Variants in GAB2 observed in about 807,000 individuals in gnomAD.
The protein encoded by GAB2 is GRB2 associated binding protein 2, also known as GRB2-associated-binding protein 2.
Under a neutral mutation model 65.5 loss-of-function variants are expected in GAB2, and 26 were observed. The ratio of observed to expected loss-of-function variants is 0.40; its 90% confidence interval spans 0.29 to 0.55. The LOEUF is 0.55. Among genes scored for constraint, GAB2 ranks in the 20% least tolerant of loss-of-function variants. The pLI is 0.53. For missense variants in GAB2, 884 were observed against 875.8 expected, an observed-to-expected ratio of 1.01 and a Z score of -0.12; for synonymous variants, 321 against 329.6, an observed-to-expected ratio of 0.97 and a Z score of 0.28.
At chr11:78,416,463 C>A (rs1441022777) in intron 1 of GAB2, among the ~76,000 whole-genome samples, 2 of 152,222 alleles carry the variant, frequency 1.3e-5, no homozygotes, top group African/African-American at 2.4e-5. Context: ...TGCCTCTCCC[C>A]CCATGGACAG....
intron 2 of GAB2, among the ~76,000 whole-genome samples, chr11:78,264,420 GAC>G (rs901469467): frequency 2.7e-5 from 4 of 149,772 alleles, no homozygotes; most frequent in Non-Finnish European, 5.9e-5. Flanking sequence ...TTTTTTTTGA[GAC>G]ACAGTCTCAC....
intron 3 of GAB2, among the ~76,000 whole-genome samples, chr11:78,227,943 G>A (rs1232810055): frequency 6.6e-6 from 1 of 152,164 alleles, no homozygotes; most frequent in Non-Finnish European, 1.5e-5. Flanking sequence ...TCTATATGAA[G>A]AATGGTTTCC....
chr11:78,246,927 G>A (rs768055074), intron 3 of GAB2, among the ~76,000 whole-genome samples: 7 of 152,178 alleles, frequency 4.6e-5, no homozygotes, highest in Admixed American at 1.3e-4. Flanking sequence ...GATTCGGTTT[G>A]TCCCACACAT....
At chr11:78,262,917 G>A (rs763496987) in intron 2 of GAB2, among the ~76,000 whole-genome samples, 1 of 152,174 alleles carries the variant, frequency 6.6e-6, no homozygotes, top group Admixed American at 6.5e-5. Flanking sequence ...GGTTTCACTA[G>A]AACACAGCTG....
intron 2 of GAB2, among the ~76,000 whole-genome samples, chr11:78,252,043 C>T (rs1347469931): frequency 2.0e-5 from 3 of 152,208 alleles, no homozygotes; most frequent in South Asian, 2.1e-4. Flanking sequence ...GGTGGGTTAA[C>T]GTTGTGGTGG....
chr11:78,251,902 G>A (rs1274865826), intron 2 of GAB2, among the ~76,000 whole-genome samples: 5 of 152,206 alleles, frequency 3.3e-5, no homozygotes, highest in Admixed American at 2.6e-4. Context: ...GTACATAGCA[G>A]ATTCTTAGTT....
chr11:78,382,733 C>T (rs996605596), intron 1 of GAB2, among the ~76,000 whole-genome samples: 3 of 152,102 alleles, frequency 2.0e-5, no homozygotes, highest in African/African-American at 4.8e-5. Flanking sequence ...TTTTTCTAAA[C>T]GTTCAAAAGA....
chr11:78,295,842 A>G (rs1419614087), intron 1 of GAB2, among the ~76,000 whole-genome samples: 1 of 152,178 alleles, frequency 6.6e-6, no homozygotes, highest in Non-Finnish European at 1.5e-5. Context: ...AGATGAGTAT[A>G]GGTGACTCTT....
intron 3 of GAB2, among the ~76,000 whole-genome samples, chr11:78,231,051 T>C (rs1864830662): frequency 6.6e-6 from 1 of 152,198 alleles, no homozygotes; most frequent in African/African-American, 2.4e-5. Context: ...ACATATCACA[T>C]GTGATCTCAT....
intron 1 of GAB2, among the ~76,000 whole-genome samples, chr11:78,381,784 T>A (rs1368336416): frequency 6.6e-6 from 1 of 152,204 alleles, no homozygotes; most frequent in African/African-American, 2.4e-5. Context: ...AGAGTCACCA[T>A]GAAAAAGAAA....
intron 1 of GAB2, among the ~76,000 whole-genome samples, chr11:78,353,007 C>T (rs1387969232): frequency 3.3e-5 from 5 of 152,136 alleles, no homozygotes; most frequent in African/African-American, 9.7e-5. Context: ...TTAAGGTTCA[C>T]AGACTTCAGA....
chr11:78,405,782 C>T (rs1857036047), intron 1 of GAB2, among the ~76,000 whole-genome samples: 1 of 152,158 alleles, frequency 6.6e-6, no homozygotes, highest in Non-Finnish European at 1.5e-5. Flanking sequence ...CTTTATGCCT[C>T]ATATATCTCA....
At chr11:78,381,095 C>T (rs1280251158) in intron 1 of GAB2, among the ~76,000 whole-genome samples, 1 of 152,170 alleles carries the variant, frequency 6.6e-6, no homozygotes, top group Non-Finnish European at 1.5e-5. Context: ...TTTTCTGAAT[C>T]TCACTATTTA....
intron 2 of GAB2, among the ~76,000 whole-genome samples, chr11:78,261,304 A>AAACCAG (rs1003604168): frequency 5.3e-5 from 8 of 152,026 alleles, no homozygotes; most frequent in African/African-American, 1.5e-4. Flanking sequence ...ACCAAAACAA[A>AAACCAG]AACCAGAACC....
chr11:78,220,201 C>A, intron 9 of GAB2, 118 bp downstream of exon 9: 1 of 1,029,070 alleles, frequency 9.7e-7, no homozygotes, highest in South Asian at 1.5e-5. Context: ...AAGCTGGGTA[C>A]TGGAGCAGGA....
intron 1 of GAB2, among the ~76,000 whole-genome samples, chr11:78,366,334 C>T (rs1169010005): frequency 6.6e-6 from 1 of 152,030 alleles, no homozygotes; most frequent in Non-Finnish European, 1.5e-5. Flanking sequence ...AATCCCAGCA[C>T]TTTGGGAGGC....
intron 3 of GAB2, among the ~76,000 whole-genome samples, chr11:78,247,047 G>A (rs1865319024): frequency 6.6e-6 from 1 of 152,102 alleles, no homozygotes; most frequent in South Asian, 2.1e-4. Context: ...CAGCCCCAAT[G>A]GGGCTCCTCT....
intron 1 of GAB2, among the ~76,000 whole-genome samples, chr11:78,409,390 G>C (rs1229982047): frequency 6.6e-6 from 1 of 152,184 alleles, no homozygotes; most frequent in Non-Finnish European, 1.5e-5. Flanking sequence ...TTCGAGACCA[G>C]TCTGGCCAAC....
At chr11:78,270,664 T>C (rs1243302702) in intron 2 of GAB2, among the ~76,000 whole-genome samples, 1 of 152,240 alleles carries the variant, frequency 6.6e-6, no homozygotes, top group Non-Finnish European at 1.5e-5. Flanking sequence ...AAGTGTTGTA[T>C]AGACTATAAA....
Sources: gnomAD v4.1 joint callset for allele counts (sites outside exome capture counted in the v4.1 genomes callset) on GRCh38, gnomAD v4.1.1 for gene constraint, MANE v1.5 for transcripts, NCBI Gene and HGNC (gene_info 2026-07-23, HGNC 2026-07-21) for gene names.